The following MYRFL variants were observed in gnomAD, a reference collection of about 807,000 sequenced individuals.
MYRFL encodes myelin regulatory factor-like protein.
MYRFL carries 88 observed loss-of-function variants against 109.4 expected under a neutral mutation model. That is an observed-to-expected ratio of 0.80 (90% CI 0.68 to 0.96). The LOEUF (loss-of-function observed/expected upper bound fraction) is 0.96. Ranked by LOEUF, MYRFL falls within the 40% of genes least tolerant of loss-of-function variation. MYRFL has a pLI of 0.00. For missense variants in MYRFL, 957 were observed against 954.9 expected (o/e 1.00, Z -0.03); for synonymous variants, 324 against 320.9 (o/e 1.01, Z -0.10).
chr12:69,880,904 G>C (rs1400782474), intron 5 of MYRFL, among the ~76,000 whole-genome samples: 1 of 144,848 alleles, frequency 6.9e-6, no homozygotes, highest in East Asian at 2.1e-4. Flanking sequence ...AATCATTTTA[G>C]AAGTCTTTCA....
Position 69,895,433 on chromosome 12 carries a change from C to G in MYRFL, c.1043C>G (p.Thr348Ser), listed in dbSNP as rs1320062209. The G allele has an allele frequency of 6.5e-7, 1 of 1,535,448 alleles. No individual in the cohort carries two copies. The highest frequency in any genetic ancestry group is 2.0e-5 in the Admixed American group (1 of 50,962). ...CTGGGACGATTACACTTCAGCGAAACCACAGCAAATAATATGAGAAAAAAG... is the reference window on the plus strand; with the variant it reads ...CTGGGACGATTACACTTCAGCGAAAGCACAGCAAATAATATGAGAAAAAAG... The part of the protein sequence containing the change: ...VTLGRLHFSE[T>S]TANNMRKKGK... The change falls in exon 9 of 25, where the codon ACC becomes AGC. Residue 348 changes from threonine to serine, a missense_variant. Coordinates refer to ENST00000552032, the MANE Select transcript of MYRFL (RefSeq NM_182530.3).
intron 1 of MYRFL, among the ~76,000 whole-genome samples, chr12:69,853,942 G>A (rs558488746): frequency 1.3e-5 from 2 of 152,210 alleles, no homozygotes; most frequent in African/African-American, 4.8e-5. Flanking sequence ...TCCCAGACGG[G>A]GTGGCGGCCG....
At position 69,958,700 on chromosome 12, in the gene MYRFL, G is replaced by C; in HGVS notation, c.*169G>C. 1.8e-6 allele frequency: 1 copy of C among 544,778 alleles called. No homozygotes were observed. Among genetic ancestry groups the C allele is most frequent in the Non-Finnish European group, 3.2e-6 (1 of 314,096 alleles). 33.7% of individuals were successfully genotyped at this position (544,778 alleles called of 1,614,324 possible). The stretch of plus-strand genomic sequence containing the variant: ...AACAGTTTTGAGACATTAATGAGGA[G>C]AATAAAATGTTTGCTGAAACTTGAA... On this transcript the variant is annotated 3_prime_UTR_variant, in exon 25 of 25. Transcript: ENST00000552032.
intron 1 of MYRFL, among the ~76,000 whole-genome samples, chr12:69,835,669 C>T (rs1400417848): frequency 6.6e-6 from 1 of 152,172 alleles, no homozygotes; most frequent in Non-Finnish European, 1.5e-5. Context: ...ATTAGGGAAG[C>T]TTGTTGCTTT....
At chr12:69,955,993 A>G (rs1152951) in intron 22 of MYRFL, among the ~76,000 whole-genome samples, 1 of 152,142 alleles carries the variant, frequency 6.6e-6, no homozygotes, top group African/African-American at 2.4e-5. Context: ...ATTACATGAC[A>G]CCATAGCACA....
At chr12:69,833,965 A>T (rs1306150674) in intron 1 of MYRFL, among the ~76,000 whole-genome samples, 2 of 151,830 alleles carry the variant, frequency 1.3e-5, no homozygotes, top group East Asian at 3.9e-4. Context: ...TGTTAGTGGT[A>T]AAAAGGTAAT....
Position 69,891,682 on chromosome 12 carries a change from T to TTTCGTTCG in MYRFL, c.903+524_903+531dup, listed in dbSNP as rs147744686. On this transcript the variant is annotated intron_variant, in intron 7 of 24. Transcript: ENST00000552032. ...CTTTCTTTCTTTCTTTCTTTCTTTC[T>TTTCGTTCG]TTCGTTCGTTCGTTCTTTCTTTCTT... 2.3e-4 allele frequency among the ~76,000 whole-genome samples: 23 copies of TTTCGTTCG among 101,556 alleles called. 1 individual carries two copies. The highest frequency in any genetic ancestry group is 2.2e-3 in the East Asian group (8 of 3,622). The allele number at this position is 101,556 out of a possible 152,430, so 66.6% of individuals were successfully genotyped here. A position where few individuals can be genotyped will look rare whatever the true frequency, so the allele number is the denominator to read the frequency against.
chr12:69,891,561 A>ATTTCTTTCTTCCTTTC (rs1886807311), intron 7 of MYRFL, among the ~76,000 whole-genome samples: 1 of 113,998 alleles, frequency 8.8e-6, no homozygotes, highest in Non-Finnish European at 1.9e-5. Flanking sequence ...AAAGGTGTCA[A>ATTTCTTTCTTCCTTTC]TTTCTTTCTT....
chr12:69,957,610 A>T (rs949211646), intron 22 of MYRFL, among the ~76,000 whole-genome samples: 1 of 152,208 alleles, frequency 6.6e-6, no homozygotes, highest in African/African-American at 2.4e-5. Context: ...TACTATTTCG[A>T]TAGCTATCTG....
At chr12:69,956,935 T>C (rs1956110322) in intron 22 of MYRFL, among the ~76,000 whole-genome samples, 1 of 152,214 alleles carries the variant, frequency 6.6e-6, no homozygotes, top group African/African-American at 2.4e-5. Context: ...TGGAAGGAAA[T>C]AAGGTTATAT....
chr12:69,890,319 G>A (rs1886720354), intron 6 of MYRFL, among the ~76,000 whole-genome samples: 1 of 152,194 alleles, frequency 6.6e-6, no homozygotes, highest in African/African-American at 2.4e-5. Flanking sequence ...TCTAAGTAAT[G>A]TGTTGACTTC....
intron 14 of MYRFL, 77 bp downstream of exon 14, chr12:69,926,811 A>G (rs936913236): frequency 3.3e-6 from 4 of 1,227,510 alleles, no homozygotes; most frequent in Middle Eastern, 2.1e-4. Flanking sequence ...ATCAATCTAA[A>G]TGGTCTTTTT....
intron 1 of MYRFL, among the ~76,000 whole-genome samples, chr12:69,842,834 G>T (rs1349505856): frequency 6.6e-6 from 1 of 152,192 alleles, no homozygotes; most frequent in African/African-American, 2.4e-5. Flanking sequence ...TAATTAAAAG[G>T]CTTCCATAGT....
chr12:69,907,595 C>T (rs1272002285), intron 11 of MYRFL, among the ~76,000 whole-genome samples: 4 of 152,220 alleles, frequency 2.6e-5, no homozygotes, highest in African/African-American at 9.6e-5. Context: ...TCCAGGCTGG[C>T]TCCTGATTGA....
rs191147638 is a variant in MYRFL, at chr12:69,918,448, A to G, written c.1602+7518A>G. ...AGTGTCAAGTGAACGAATAGGATCA[A>G]TAAGGAAATGGGGAGGAGAGAGATG... is the stretch of plus-strand genomic sequence containing the variant. On this transcript the variant is annotated intron_variant, in intron 13 of 24. Coordinates refer to ENST00000552032, the MANE Select transcript of MYRFL (RefSeq NM_182530.3). Among the ~76,000 whole-genome samples the G allele has an allele frequency of 3.0e-3, 457 of 152,318 alleles. 3 individuals are homozygous for G. Among genetic ancestry groups the G allele is most frequent in the African/African-American group, 9.7e-3 (405 of 41,562 alleles).
At chr12:69,927,359 G>GTGA in intron 14 of MYRFL, among the ~76,000 whole-genome samples, 1 of 151,434 alleles carries the variant, frequency 6.6e-6, no homozygotes, top group Admixed American at 6.8e-5. Flanking sequence ...AGGAGAAGTG[G>GTGA]TCATTTCTAA....
At chr12:69,833,919 C>A (rs1017032334) in intron 1 of MYRFL, among the ~76,000 whole-genome samples, 9 of 145,828 alleles carry the variant, frequency 6.2e-5, no homozygotes. Flanking sequence ...GCCATTATTC[C>A]TTAGAAAATC....
At chr12:69,855,499 A>G (rs1005214126) in intron 2 of MYRFL, 129 bp downstream of exon 2, 10 of 562,160 alleles carry the variant, frequency 1.8e-5, no homozygotes, top group African/African-American at 1.7e-4. Flanking sequence ...TATTATGTCT[A>G]TGGATCTTTG....
intron 21 of MYRFL, among the ~76,000 whole-genome samples, chr12:69,953,573 A>G (rs1460521455): frequency 6.6e-6 from 1 of 152,146 alleles, no homozygotes; most frequent in Admixed American, 6.5e-5. Flanking sequence ...GGTCAAGACC[A>G]GCCTGGGCAA....
Sources: gnomAD v4.1 joint callset for allele counts (sites outside exome capture counted in the v4.1 genomes callset) on GRCh38, gnomAD v4.1.1 for gene constraint, MANE v1.5 for transcripts, NCBI Gene and HGNC (gene_info 2026-07-23, HGNC 2026-07-21) for gene names.